SHLD2: variants seen among roughly 807,000 people sequenced by gnomAD.
The protein encoded by SHLD2 is shieldin complex subunit 2.
SHLD2 carries 30 observed loss-of-function variants against 73.2 expected under a neutral mutation model. The ratio of observed to expected loss-of-function variants is 0.41; its 90% CI spans 0.31 to 0.56. The LOEUF (loss-of-function observed/expected upper bound fraction) is 0.56. SHLD2 is among the 20% of genes least tolerant of loss of function. The pLI, the probability that SHLD2 is intolerant of heterozygous loss-of-function variation, is 0.28. For missense variants in SHLD2, 745 were observed against 1,055.9 expected (o/e 0.71, Z 4.08); for synonymous variants, 285 against 370.1 (o/e 0.77, Z 2.64).
intron 2 of SHLD2, among the ~76,000 whole-genome samples, chr10:87,099,646 G>GTT (rs2133924209): frequency 6.6e-6 from 1 of 152,258 alleles, no homozygotes; most frequent in South Asian, 2.1e-4. Context: ...TATGTTTTCA[G>GTT]TTCTCTTGGG....
chr10:87,121,130 T>C (rs1843590184), intron 2 of SHLD2, among the ~76,000 whole-genome samples: 1 of 152,146 alleles, frequency 6.6e-6, no homozygotes, highest in Non-Finnish European at 1.5e-5. Context: ...TTAATTTTAA[T>C]TTTTTATTTT....
At chr10:87,124,381 C>G (rs1486785915) in intron 2 of SHLD2, among the ~76,000 whole-genome samples, 2 of 151,386 alleles carry the variant, frequency 1.3e-5, no homozygotes. Flanking sequence ...ACAAAAAATA[C>G]AAAAATCAGC....
chr10:87,123,351 G>T (rs1236154637), intron 2 of SHLD2, among the ~76,000 whole-genome samples: 1 of 151,718 alleles, frequency 6.6e-6, no homozygotes, highest in East Asian at 1.9e-4. Flanking sequence ...ACCCAGGCTG[G>T]AGTACAGTGG....
At chr10:87,175,227 G>C (rs975334952) in intron 6 of SHLD2, among the ~76,000 whole-genome samples, 1 of 151,846 alleles carries the variant, frequency 6.6e-6, no homozygotes, top group Admixed American at 6.6e-5. Flanking sequence ...AAATATGAGT[G>C]AAATATTAGA....
At chr10:87,111,059 G>T (rs984618572) in intron 2 of SHLD2, among the ~76,000 whole-genome samples, 5 of 152,058 alleles carry the variant, frequency 3.3e-5, no homozygotes, top group Non-Finnish European at 7.4e-5. Context: ...GGCCAGGCTG[G>T]TCTCGAACTC....
At chr10:87,122,460 T>C (rs914807259) in intron 2 of SHLD2, among the ~76,000 whole-genome samples, 5 of 152,202 alleles carry the variant, frequency 3.3e-5, no homozygotes, top group African/African-American at 1.2e-4. Flanking sequence ...TTTAGCAGCC[T>C]GAAGCCATGG....
chr10:87,158,667 T>C (rs1846604283), intron 4 of SHLD2, among the ~76,000 whole-genome samples: 1 of 152,186 alleles, frequency 6.6e-6, no homozygotes, highest in Non-Finnish European at 1.5e-5. Flanking sequence ...CTTTCTTCTT[T>C]AATGTCCAGT....
chr10:87,147,521 C>T (rs907520676), intron 2 of SHLD2, among the ~76,000 whole-genome samples: 1 of 151,726 alleles, frequency 6.6e-6, no homozygotes, highest in African/African-American at 2.4e-5. Context: ...TGAAAGGTTG[C>T]AGAACATTTA....
chr10:87,172,261 A>G (rs1286935010), intron 6 of SHLD2, among the ~76,000 whole-genome samples: 3 of 152,186 alleles, frequency 2.0e-5, no homozygotes, highest in Non-Finnish European at 4.4e-5. Context: ...GGATTACTTA[A>G]GTAATTCTAT....
intron 5 of SHLD2, 62 bp from the exon 6 acceptor site, chr10:87,170,778 T>G: frequency 1.2e-6 from 2 of 1,611,982 alleles, no homozygotes; most frequent in Non-Finnish European, 1.7e-6. Context: ...CATCAGCTAT[T>G]AAAGTATGGT....
At chr10:87,172,688 A>G (rs1157419887) in intron 6 of SHLD2, among the ~76,000 whole-genome samples, 2 of 152,006 alleles carry the variant, frequency 1.3e-5, no homozygotes, top group Admixed American at 1.3e-4. Flanking sequence ...ATTGGATTGT[A>G]AAACTTCACG....
intron 9 of SHLD2, 52 bp from the exon 10 acceptor site, chr10:87,190,432 T>C: frequency 2.1e-6 from 3 of 1,411,224 alleles, no homozygotes; most frequent in Non-Finnish European, 3.0e-6. Context: ...ATGTGTGTGC[T>C]CCTGTCAAGC....
At chr10:87,126,952 G>C (rs549273516) in intron 2 of SHLD2, among the ~76,000 whole-genome samples, 1 of 152,324 alleles carries the variant, frequency 6.6e-6, no homozygotes, top group Admixed American at 6.5e-5. Context: ...AGAATACAAA[G>C]ATGAAGAGAA....
At chr10:87,141,497 A>C (rs61858901) in intron 2 of SHLD2, among the ~76,000 whole-genome samples, 1 of 151,994 alleles carries the variant, frequency 6.6e-6, no homozygotes, top group Non-Finnish European at 1.5e-5. Flanking sequence ...GCGTGCCACC[A>C]CACCCAGCTA....
intron 2 of SHLD2, among the ~76,000 whole-genome samples, chr10:87,119,893 T>G (rs1843487637): frequency 6.6e-6 from 1 of 152,074 alleles, no homozygotes; most frequent in South Asian, 2.1e-4. Context: ...TGGGCAGTAC[T>G]TAACATATAT....
In SHLD2 at chr10:87,190,550, G is replaced by T; in HGVS notation, c.2582G>T (p.Ser861Ile). The change falls in exon 10 of 10, where the codon AGC becomes ATC. Residue 861 changes from serine to isoleucine, a missense_variant. This residue lies in a region of SHLD2 where 418 missense variants were observed against 567.8 expected (regional missense o/e 0.74). Coordinates refer to ENST00000298786, the MANE Select transcript of SHLD2 (RefSeq NM_001330112.2). Reference protein sequence around the residue: ...ADLFHSLLAVSAEPCVLKIQS... With the variant: ...ADLFHSLLAVIAEPCVLKIQS... ...CTGTTCCACTCCTTGTTGGCAGTCAGCGCAGAACCTTGTGTATTAAAGATT... is the reference window on the plus strand; with the variant it reads ...CTGTTCCACTCCTTGTTGGCAGTCATCGCAGAACCTTGTGTATTAAAGATT... 1 of 1,611,992 alleles carries T rather than the reference G, an allele frequency of 6.2e-7. No homozygotes were observed. Among genetic ancestry groups the T allele is most frequent in the Non-Finnish European group, 8.5e-7 (1 of 1,179,836 alleles).
intron 4 of SHLD2, among the ~76,000 whole-genome samples, chr10:87,160,860 G>A (rs1460010022): frequency 6.6e-6 from 1 of 151,936 alleles, no homozygotes; most frequent in Admixed American, 6.5e-5. Flanking sequence ...GTGTGGTGGT[G>A]CATGCCTGTG....
intron 4 of SHLD2, among the ~76,000 whole-genome samples, chr10:87,166,387 CAAT>C (rs563219523): frequency 1.0e-3 from 154 of 151,398 alleles, no homozygotes; most frequent in South Asian, 2.3e-3. Flanking sequence ...CTGCCATTGA[CAAT>C]AATATTATTT....
chr10:87,110,433 C>T (rs1469560410), intron 2 of SHLD2, among the ~76,000 whole-genome samples: 2 of 152,174 alleles, frequency 1.3e-5, no homozygotes, highest in East Asian at 1.9e-4. Context: ...CAGGGAAACC[C>T]CATCTCTACT....
Sources: allele counts gnomAD v4.1 joint callset (sites outside exome capture counted in the v4.1 genomes callset), GRCh38; gene constraint gnomAD v4.1.1; regional missense constraint gnomAD v4.1.1; transcripts MANE v1.5; gene names NCBI Gene and HGNC (gene_info 2026-07-23, HGNC 2026-07-21).